The following PCDHA12 variants were observed in gnomAD, a reference collection of about 807,000 sequenced individuals.
PCDHA12 encodes protocadherin alpha-12.
A neutral mutation model predicts 60.0 loss-of-function variants in PCDHA12; 44 were observed. The observed-to-expected ratio is 0.73, with a 90% confidence interval of 0.58 to 0.94. The LOEUF is 0.94. Among genes scored for constraint, PCDHA12 ranks in the 40% least tolerant of loss-of-function variants. PCDHA12 has a pLI of 0.00. For missense variants in PCDHA12, 1,276 were observed against 1,239.7 expected, an observed-to-expected ratio of 1.03 and a Z score of -0.44; for synonymous variants, 569 against 553.0, an observed-to-expected ratio of 1.03 and a Z score of -0.40.
At chr5:140,897,485 A>G (rs1189975695) in intron 1 of PCDHA12, among the ~76,000 whole-genome samples, 2 of 151,884 alleles carry the variant, frequency 1.3e-5, no homozygotes, top group African/African-American at 4.8e-5. Flanking sequence ...GATGATTTCC[A>G]ATTTCAACCA....
intron 1 of PCDHA12, among the ~76,000 whole-genome samples, chr5:140,879,217 G>A (rs1163771659): frequency 6.6e-6 from 1 of 152,164 alleles, no homozygotes; most frequent in African/African-American, 2.4e-5. Context: ...GAAATGAATT[G>A]AAAAAGACAT....
At chr5:140,993,345 C>T (rs557836440) in intron 3 of PCDHA12, among the ~76,000 whole-genome samples, 25 of 152,064 alleles carry the variant, frequency 1.6e-4, no homozygotes, top group African/African-American at 4.3e-4. Context: ...AAGGGCACTA[C>T]GAAGATCCTC....
At chr5:140,919,945 A>G (rs1456572905) in intron 1 of PCDHA12, among the ~76,000 whole-genome samples, 1 of 151,572 alleles carries the variant, frequency 6.6e-6, no homozygotes, top group Non-Finnish European at 1.5e-5. Flanking sequence ...ATTCCAGTGA[A>G]AAGTTTGTTT....
intron 1 of PCDHA12, among the ~76,000 whole-genome samples, chr5:140,941,214 CCTTTCTTTCTTT>C (rs60032403): frequency 3.3e-5 from 4 of 122,414 alleles, no homozygotes; most frequent in Non-Finnish European, 6.8e-5. Flanking sequence ...TTTCTTTCTT[CCTTTCTTTCTTT>C]CTTTCTTTCT....
chr5:140,987,747 T>G (rs1336636332), intron 3 of PCDHA12, among the ~76,000 whole-genome samples: 1 of 152,178 alleles, frequency 6.6e-6, no homozygotes. Context: ...TAGACCCAGG[T>G]TGTTCTGAGT....
intron 1 of PCDHA12, chr5:140,927,680 G>T: frequency 6.2e-7 from 1 of 1,614,140 alleles, no homozygotes; most frequent in Non-Finnish European, 8.5e-7. Context: ...CCAGATGAAG[G>T]GTCCAATGGG....
In PCDHA12 at chr5:140,877,704, C is replaced by T. The variant is rs116613760; in HGVS notation, c.2232C>T (p.Ala744=). 1.6e-3 allele frequency: 2,639 copies of T among 1,613,952 alleles called. 39 individuals are homozygous for T. The African/African-American group carries it at 0.027, about 17-fold the overall frequency. Residue 744 remains alanine (A), a synonymous_variant, in exon 1 of 4, where the codon GCC becomes GCT. Coordinates refer to ENST00000398631, the MANE Select transcript of PCDHA12 (RefSeq NM_018903.4). ...PGKPTLVCSS[A]VGSWSYSQQR... ...AGCCCACGCTGGTGTGCTCCAGCGC[C>T]GTGGGGAGTTGGTCTTACTCGCAGC...
intron 3 of PCDHA12, among the ~76,000 whole-genome samples, chr5:140,997,684 G>A (rs2097780776): frequency 6.6e-6 from 1 of 152,116 alleles, no homozygotes; most frequent in African/African-American, 2.4e-5. Context: ...GTGTGTGTGT[G>A]TGTGTGTGTG....
chr5:140,876,623 A>G lies in PCDHA12; in HGVS notation c.1151A>G (p.Gln384Arg), dbSNP rs2056465121. 6.2e-7 allele frequency: 1 copy of G among 1,614,086 alleles called. No individual in the cohort carries two copies. Among genetic ancestry groups the G allele is most frequent in the East Asian group, 2.2e-5 (1 of 44,886 alleles). The part of the protein sequence containing the change: ...VSDRDSGANG[Q>R]VICSLTPHVP... ...GATCGTGACTCTGGAGCCAATGGAC[A>G]GGTCATCTGCTCACTGACACCTCAT... is the stretch of plus-strand genomic sequence containing the variant. The change falls in exon 1 of 4, where the codon CAG (glutamine) becomes CGG (arginine). Residue 384 changes from glutamine (Q) to arginine (R), a missense_variant. Gln to Arg is a conservative substitution (Grantham distance 43, BLOSUM62 1). Coordinates refer to ENST00000398631, the MANE Select transcript of PCDHA12 (RefSeq NM_018903.4).
At chr5:140,927,748 G>T (rs782605586) in intron 1 of PCDHA12, 3 of 1,614,206 alleles carry the variant, frequency 1.9e-6, no homozygotes, top group Admixed American at 1.7e-5. Flanking sequence ...CCGCTTTCAC[G>T]TGCACCCTAA....
chr5:140,985,416 G>A (rs1554247041), intron 3 of PCDHA12, among the ~76,000 whole-genome samples: 1 of 152,142 alleles, frequency 6.6e-6, no homozygotes, highest in Non-Finnish European at 1.5e-5. Flanking sequence ...GAAATGGAGT[G>A]AGGAGGATTT....
intron 1 of PCDHA12, among the ~76,000 whole-genome samples, chr5:140,904,496 A>G (rs1174844806): frequency 1.3e-5 from 2 of 151,832 alleles, no homozygotes; most frequent in Non-Finnish European, 2.9e-5. Context: ...CCAAATTTTT[A>G]CAATTGTGAA....
At chr5:140,948,764 G>T (rs962710607) in intron 1 of PCDHA12, among the ~76,000 whole-genome samples, 1 of 150,728 alleles carries the variant, frequency 6.6e-6, no homozygotes, top group African/African-American at 2.4e-5. Flanking sequence ...GATTTTTTTC[G>T]AATAGCCAGC....
chr5:140,927,697 C>T, intron 1 of PCDHA12: 2 of 1,614,170 alleles, frequency 1.2e-6, no homozygotes, highest in Non-Finnish European at 1.7e-6. Flanking sequence ...TGGGGAAGTC[C>T]AGTACTCCCT....
chr5:140,934,709 C>T (rs991669354), intron 1 of PCDHA12, among the ~76,000 whole-genome samples: 2 of 152,084 alleles, frequency 1.3e-5, no homozygotes, highest in Non-Finnish European at 1.5e-5. Flanking sequence ...GGCCATCTTA[C>T]AAAAAGGACC....
At chr5:140,887,192 G>A (rs2061344460) in intron 1 of PCDHA12, among the ~76,000 whole-genome samples, 1 of 151,802 alleles carries the variant, frequency 6.6e-6, no homozygotes, top group African/African-American at 2.4e-5. Flanking sequence ...CACCTCCCGG[G>A]TTCACGCCAT....
Position 140,877,761 on chromosome 5 carries a change from C to T in PCDHA12, c.2289C>T (p.Ser763=), listed in dbSNP as rs2057326734. Residue 763 remains serine, a synonymous_variant, in exon 1 of 4, where the codon AGC becomes AGT. Coordinates refer to ENST00000398631, the MANE Select transcript of PCDHA12 (RefSeq NM_018903.4). Reference sequence around the variant, plus strand: ...GGCAGAGGGTGTGCTCTGCAGAGAGCCCGCCCAAGACGGACCTCATGGCCT... The same window carrying T: ...GGCAGAGGGTGTGCTCTGCAGAGAGTCCGCCCAAGACGGACCTCATGGCCT... ...QRRQRVCSAE[S]PPKTDLMAFS... The T allele has an allele frequency of 2.5e-6, 4 of 1,614,180 alleles. No homozygotes were observed. The highest frequency in any genetic ancestry group is 8.5e-7 in the Non-Finnish European group (1 of 1,180,020).
chr5:140,890,069 A>C (rs1554184149), intron 1 of PCDHA12, among the ~76,000 whole-genome samples: 1 of 152,204 alleles, frequency 6.6e-6, no homozygotes, highest in Non-Finnish European at 1.5e-5. Flanking sequence ...TTACTGGCTT[A>C]TGAGAACTGA....
At chr5:140,997,673 TG>T (rs1554255971) in intron 3 of PCDHA12, among the ~76,000 whole-genome samples, 41 of 149,136 alleles carry the variant, frequency 2.7e-4, no homozygotes, top group African/African-American at 9.9e-4. Context: ...ACAGCTTGTG[TG>T]TGTGTGTGTG....
Sources: gnomAD v4.1 joint callset for allele counts (sites outside exome capture counted in the v4.1 genomes callset) on GRCh38, gnomAD v4.1.1 for gene constraint, MANE v1.5 for transcripts, NCBI Gene and HGNC (gene_info 2026-07-23, HGNC 2026-07-21) for gene names.